CTNNA3: variants seen among roughly 807,000 people sequenced by gnomAD.
CTNNA3 encodes the protein catenin alpha 3, also known as catenin alpha-3.
In CTNNA3, 76 loss-of-function variants were observed where a neutral mutation model predicts 95.7. The observed-to-expected ratio is 0.79, with a 90% CI of 0.66 to 0.96. CTNNA3 has a LOEUF of 0.96. CTNNA3 is among the 40% of genes least tolerant of loss of function. The pLI is 0.00. For synonymous variants in CTNNA3, 431 were observed against 374.4 expected, an observed-to-expected ratio of 1.15 and a Z score of -1.74; for missense variants, 1,191 against 1,089.8, an observed-to-expected ratio of 1.09 and a Z score of -1.31.
At chr10:66,268,355 G>A (rs1213087579) in intron 13 of CTNNA3, among the ~76,000 whole-genome samples, 5 of 152,064 alleles carry the variant, frequency 3.3e-5, no homozygotes, top group African/African-American at 7.2e-5. Flanking sequence ...AGGCAATATG[G>A]CGTGTGCTTT....
At chr10:66,561,119 C>T (rs191203361) in intron 10 of CTNNA3, among the ~76,000 whole-genome samples, 5 of 152,056 alleles carry the variant, frequency 3.3e-5, no homozygotes, top group Admixed American at 2.0e-4. Context: ...AAAGAAAATA[C>T]CAGTAACATC....
At chr10:67,751,852 AG>A (rs1418876793) in intron 1 of CTNNA3, among the ~76,000 whole-genome samples, 1 of 151,360 alleles carries the variant, frequency 6.6e-6, no homozygotes, top group Non-Finnish European at 1.5e-5. Context: ...AAAAAAAAAA[AG>A]CCCAGGACCA....
chr10:66,897,638 A>T (rs1845554362), intron 7 of CTNNA3, among the ~76,000 whole-genome samples: 1 of 152,130 alleles, frequency 6.6e-6, no homozygotes, highest in Admixed American at 6.6e-5. Flanking sequence ...TTTATTCATC[A>T]AATTGTTAAT....
rs558251053 is a variant in CTNNA3, at chr10:67,259,575, T to G, written c.580-39705A>C. Among the ~76,000 whole-genome samples, 4 of 152,320 alleles carry G rather than the reference T, an allele frequency of 2.6e-5. No homozygotes were observed. The East Asian group carries it at 7.7e-4, about 29-fold the overall frequency. On this transcript the variant is annotated intron_variant, in intron 5 of 17. Transcript: ENST00000433211. ...TCACAAGGAGAGTTTGGAAAGATGA[T>G]AATAAGATAATATGCATGTGAGAGC...
chr10:67,445,555 C>T (rs1846714590), intron 5 of CTNNA3, among the ~76,000 whole-genome samples: 1 of 152,052 alleles, frequency 6.6e-6, no homozygotes, highest in South Asian at 2.1e-4. Context: ...AAGGCAGAGC[C>T]CTCATGACCT....
intron 3 of CTNNA3, among the ~76,000 whole-genome samples, chr10:67,588,866 A>T (rs1842714557): frequency 6.6e-6 from 1 of 152,018 alleles, no homozygotes; most frequent in East Asian, 1.9e-4. Flanking sequence ...TCATTTTTAA[A>T]CGTTTCAAGA....
chr10:67,173,659 G>T (rs573878229), intron 7 of CTNNA3, among the ~76,000 whole-genome samples: 1 of 151,960 alleles, frequency 6.6e-6, no homozygotes, highest in Non-Finnish European at 1.5e-5. Context: ...CTTATATTTC[G>T]TCCAAGTTAG....
intron 5 of CTNNA3, among the ~76,000 whole-genome samples, chr10:67,221,155 T>C (rs1392206533): frequency 6.6e-6 from 1 of 152,162 alleles, no homozygotes; most frequent in Non-Finnish European, 1.5e-5. Context: ...TATTAATAGT[T>C]AATAGCAATG....
chr10:66,680,101 T>C (rs117654708), intron 9 of CTNNA3, among the ~76,000 whole-genome samples: 3,821 of 152,158 alleles, frequency 0.025, 54 homozygotes, highest in Middle Eastern at 0.061. Context: ...CAAGCGATTG[T>C]CCTGCCTTAG....
At chr10:66,260,929 G>A (rs1004716775) in intron 13 of CTNNA3, among the ~76,000 whole-genome samples, 23 of 152,094 alleles carry the variant, frequency 1.5e-4, no homozygotes, top group African/African-American at 4.3e-4. Context: ...CAGACTTTGC[G>A]GCCAAGACAA....
At chr10:67,595,777 T>C (rs751788085) in intron 3 of CTNNA3, among the ~76,000 whole-genome samples, 7 of 152,198 alleles carry the variant, frequency 4.6e-5, no homozygotes, top group Non-Finnish European at 7.4e-5. Context: ...TTTATAGGTC[T>C]GTAAGAACTT....
At chr10:65,974,628 T>C (rs2078175343) in intron 16 of CTNNA3, among the ~76,000 whole-genome samples, 1 of 152,114 alleles carries the variant, frequency 6.6e-6, no homozygotes, top group African/African-American at 2.4e-5. Context: ...CTTGAGAAAC[T>C]AATTATTGGG....
At chr10:67,444,343 AC>A (rs2132942728) in intron 5 of CTNNA3, among the ~76,000 whole-genome samples, 1 of 152,288 alleles carries the variant, frequency 6.6e-6, no homozygotes, top group African/African-American at 2.4e-5. Flanking sequence ...ATTTCTTGAA[AC>A]AAATGACAAT....
intron 7 of CTNNA3, among the ~76,000 whole-genome samples, chr10:66,953,065 A>G (rs1394280441): frequency 2.6e-5 from 4 of 152,128 alleles, no homozygotes. Context: ...AAACAACTCT[A>G]GTGTACAGAG....
At chr10:66,271,866 A>G (rs1351525225) in intron 13 of CTNNA3, among the ~76,000 whole-genome samples, 1 of 152,148 alleles carries the variant, frequency 6.6e-6, no homozygotes, top group Non-Finnish European at 1.5e-5. Context: ...GAGATCACTA[A>G]CTAGCGCGGC....
intron 13 of CTNNA3, among the ~76,000 whole-genome samples, chr10:66,278,670 G>GT (rs1274584408): frequency 1.4e-5 from 2 of 145,054 alleles, no homozygotes; most frequent in African/African-American, 4.9e-5. Context: ...GCTATAAGAT[G>GT]TTTTTTTCCA....
chr10:66,793,407 TG>T (rs1841057016), intron 7 of CTNNA3, among the ~76,000 whole-genome samples: 1 of 152,156 alleles, frequency 6.6e-6, no homozygotes, highest in African/African-American at 2.4e-5. Flanking sequence ...CCTCCCAAAC[TG>T]TTAGGATTAC....
intron 13 of CTNNA3, among the ~76,000 whole-genome samples, chr10:66,234,680 A>G (rs2089763167): frequency 6.6e-6 from 1 of 152,166 alleles, no homozygotes. Context: ...ATCAACTGTT[A>G]TTTTGCAAGG....
At chr10:65,996,356 G>C (rs1298047534) in intron 15 of CTNNA3, among the ~76,000 whole-genome samples, 1 of 152,090 alleles carries the variant, frequency 6.6e-6, no homozygotes, top group African/African-American at 2.4e-5. Context: ...CATAACCTGG[G>C]GTGCAAGTTG....
Sources: allele counts gnomAD v4.1 joint callset (sites outside exome capture counted in the v4.1 genomes callset), GRCh38; gene constraint gnomAD v4.1.1; transcripts MANE v1.5; gene names NCBI Gene and HGNC (gene_info 2026-07-23, HGNC 2026-07-21).